Variants in PCDHGA3 observed in about 807,000 individuals in gnomAD.
PCDHGA3 encodes the protein protocadherin gamma subfamily A, 3, also known as protocadherin gamma-A3.
PCDHGA3 carries 40 observed loss-of-function variants against 58.5 expected under a neutral mutation model. The observed-to-expected ratio is 0.68, with a 90% confidence interval of 0.53 to 0.89. The LOEUF is 0.89. PCDHGA3 is among the 40% of genes least tolerant of loss of function. PCDHGA3 has a pLI of 0.00. For synonymous variants in PCDHGA3, 530 were observed against 525.7 expected, an observed-to-expected ratio of 1.01 and a Z score of -0.11; for missense variants, 1,223 against 1,195.9, an observed-to-expected ratio of 1.02 and a Z score of -0.33.
intron 1 of PCDHGA3, among the ~76,000 whole-genome samples, chr5:141,481,863 G>A (rs182704348): frequency 8.8e-4 from 130 of 147,602 alleles, no homozygotes; most frequent in African/African-American, 3.3e-3. Flanking sequence ...GCAGTGAGCC[G>A]AGATCGCGCC....
chr5:141,430,383 GAAA>G (rs139772145), intron 1 of PCDHGA3, among the ~76,000 whole-genome samples: 9 of 138,566 alleles, frequency 6.5e-5, no homozygotes, highest in African/African-American at 2.4e-4. Context: ...AGCTCATTGG[GAAA>G]AAAAAAAAAA....
intron 1 of PCDHGA3, among the ~76,000 whole-genome samples, chr5:141,456,944 C>G (rs1172050038): frequency 6.6e-6 from 1 of 152,138 alleles, no homozygotes; most frequent in Non-Finnish European, 1.5e-5. Context: ...GCCTGGGCAA[C>G]AGAGCAAAAC....
At chr5:141,448,359 CTTTA>C in intron 1 of PCDHGA3, among the ~76,000 whole-genome samples, 1 of 152,074 alleles carries the variant, frequency 6.6e-6, no homozygotes, top group East Asian at 1.9e-4. Context: ...TAGTAGTTTT[CTTTA>C]TTTTATTTTT....
intron 1 of PCDHGA3, chr5:141,418,940 C>T (rs867717378): frequency 5.6e-6 from 9 of 1,614,010 alleles, no homozygotes; most frequent in Non-Finnish European, 7.6e-6. Flanking sequence ...GGAGGATTCC[C>T]CTCCAGGAGT....
intron 1 of PCDHGA3, chr5:141,360,597 T>G: frequency 6.2e-7 from 1 of 1,614,020 alleles, no homozygotes; most frequent in Non-Finnish European, 8.5e-7. Context: ...CATTTCCACT[T>G]GACCCAGCCC....
intron 1 of PCDHGA3, chr5:141,362,158 C>T (rs767396512): frequency 7.4e-6 from 12 of 1,613,916 alleles, no homozygotes; most frequent in South Asian, 2.2e-5. Context: ...ATTGCCAGAC[C>T]TCAGCGACCG....
chr5:141,415,772 T>TTTTA, intron 1 of PCDHGA3: 1 of 1,332,982 alleles, frequency 7.5e-7, no homozygotes, highest in Non-Finnish European at 9.6e-7. Context: ...TTTTTTTTTT[T>TTTTA]ACTTTCTGGT....
At chr5:141,349,339 G>A (rs565572871) in intron 1 of PCDHGA3, among the ~76,000 whole-genome samples, 19 of 152,058 alleles carry the variant, frequency 1.2e-4, no homozygotes, top group Middle Eastern at 3.4e-3. Context: ...CAAAGTGCTG[G>A]GATCACAGGT....
chr5:141,405,698 G>C (rs1274236930), intron 1 of PCDHGA3, among the ~76,000 whole-genome samples: 1 of 152,128 alleles, frequency 6.6e-6, no homozygotes, highest in Non-Finnish European at 1.5e-5. Flanking sequence ...GGCTGGTCTT[G>C]AATTCCTAAC....
intron 1 of PCDHGA3, chr5:141,389,333 C>T (rs753436946): frequency 6.2e-7 from 1 of 1,614,016 alleles, no homozygotes; most frequent in South Asian, 1.1e-5. Flanking sequence ...GGCCCAACGG[C>T]CAAGTCTCTT....
chr5:141,460,270 C>G (rs1223096441), intron 1 of PCDHGA3, among the ~76,000 whole-genome samples: 1 of 151,828 alleles, frequency 6.6e-6, no homozygotes, highest in Non-Finnish European at 1.5e-5. Context: ...TTTATTTTTT[C>G]TTTTATAGTT....
chr5:141,403,021 A>G (rs1367554344), intron 1 of PCDHGA3: 2 of 1,613,944 alleles, frequency 1.2e-6, no homozygotes, highest in African/African-American at 1.3e-5. Flanking sequence ...TGGGGATGCT[A>G]TGGGAGGCCA....
chr5:141,446,423 T>C (rs745968692), intron 1 of PCDHGA3, among the ~76,000 whole-genome samples: 1 of 152,152 alleles, frequency 6.6e-6, no homozygotes, highest in Non-Finnish European at 1.5e-5. Context: ...CATGTTCATT[T>C]GAAGGATCTG....
At chr5:141,403,390 G>A in intron 1 of PCDHGA3, 1 of 1,614,038 alleles carries the variant, frequency 6.2e-7, no homozygotes, top group Non-Finnish European at 8.5e-7. Context: ...ACGAAATCGC[G>A]GTTCCTGGAG....
At chr5:141,510,828 C>T in intron 3 of PCDHGA3, 119 bp from the exon 4 acceptor site, 18 of 1,572,154 alleles carry the variant, frequency 1.1e-5, no homozygotes, top group Non-Finnish European at 1.6e-5. Context: ...ATTCCCAGTG[C>T]TCAGCGTGGT....
rs767430191 is a variant in PCDHGA3 at position 141,375,567 on chromosome 5, C to T, written c.2424+29110C>T. 22 of 1,613,958 alleles carry T rather than the reference C, an allele frequency of 1.4e-5. No individual in the cohort carries two copies. The Admixed American group carries it at 3.5e-4, about 26-fold the overall frequency. ...GTCTCCTACTCACTGGCAGAAGACA[C>T]CCTCCAGGGGGCGCCCCTGTCCTCC... On this transcript the variant is annotated intron_variant, in intron 1 of 3. Transcript: ENST00000253812.
At chr5:141,383,657 A>G in intron 1 of PCDHGA3, 2 of 1,614,058 alleles carry the variant, frequency 1.2e-6, no homozygotes, top group Non-Finnish European at 1.7e-6. Context: ...ACTGTCCCCG[A>G]GAATGTGCCA....
At chr5:141,427,840 A>C (rs779622800) in intron 1 of PCDHGA3, 8 of 1,548,180 alleles carry the variant, frequency 5.2e-6, no homozygotes, top group Admixed American at 3.3e-5. Flanking sequence ...CGTGCCTTCG[A>C]CCACGAGCAG....
chr5:141,344,069 A>G lies in PCDHGA3; in HGVS notation c.36A>G (p.Gly12=). 6.2e-7 allele frequency: 1 copy of G among 1,600,450 alleles called. No individual in the cohort carries two copies. The highest frequency in any genetic ancestry group is 1.1e-5 in the South Asian group (1 of 89,412). Residue 12 remains glycine (G), a synonymous_variant, in exon 1 of 4, where the codon GGA becomes GGG. Transcript: ENST00000253812. ...GCCTGAGTTTCCGAAATGGCAGAGG[A>G]CTGGCCCTGCTGTGCGCGCTCCTGG... ...TNCLSFRNGR[G]LALLCALLGT... is the part of the protein sequence containing the mutation.
Sources: gnomAD v4.1 joint callset for allele counts (sites outside exome capture counted in the v4.1 genomes callset) on GRCh38, gnomAD v4.1.1 for gene constraint, MANE v1.5 for transcripts, NCBI Gene and HGNC (gene_info 2026-07-23, HGNC 2026-07-21) for gene names.